Variants in CLNK observed in about 807,000 individuals in gnomAD.
CLNK encodes cytokine dependent hematopoietic cell linker.
Under a neutral mutation model 68.6 loss-of-function variants are expected in CLNK, and 74 were observed. The ratio of observed to expected loss-of-function variants is 1.08; its 90% CI spans 0.89 to 1.31. The LOEUF (loss-of-function observed/expected upper bound fraction) is 1.31, where lower values mean the gene tolerates loss of function less well. Among genes scored for constraint, CLNK ranks in the 50% most tolerant of loss-of-function variants. CLNK has a pLI of 0.00. For missense variants in CLNK, 553 were observed against 515.3 expected, an observed-to-expected ratio of 1.07 and a Z score of -0.71; for synonymous variants, 198 against 172.2, an observed-to-expected ratio of 1.15 and a Z score of -1.17.
At chr4:10,723,577 A>G in the CLNK span, among the ~76,000 whole-genome samples, 1 of 152,112 alleles carries the variant, frequency 6.6e-6, no homozygotes, top group Non-Finnish European at 1.5e-5. Context: ...GCCTTGAGGA[A>G]ATGCTGGCTC....
chr4:10,679,761 A>T (rs1236633345), intron 1 of CLNK, among the ~76,000 whole-genome samples: 4 of 152,230 alleles, frequency 2.6e-5, no homozygotes, highest in Non-Finnish European at 5.9e-5. Flanking sequence ...AAAACACATG[A>T]AAATATGCTC....
At chr4:10,627,817 C>A (rs1420131267) in intron 2 of CLNK, among the ~76,000 whole-genome samples, 3 of 152,170 alleles carry the variant, frequency 2.0e-5, no homozygotes, top group African/African-American at 4.8e-5. Flanking sequence ...ACTGCCTGAG[C>A]CCCTCACCTC....
chr4:10,540,432 G>A, intron 11 of CLNK, 62 bp downstream of exon 11: 1 of 1,277,754 alleles, frequency 7.8e-7, no homozygotes, highest in African/African-American at 1.5e-5. Context: ...GGTTTCCCTT[G>A]TCCCCCTCCC....
In CLNK at chr4:10,584,927, C is replaced by A. The variant is rs1720915358; in HGVS notation, c.112G>T (p.Gly38Cys). 6.2e-7 allele frequency: 1 copy of A among 1,613,782 alleles called. No individual in the cohort carries two copies. Among genetic ancestry groups the A allele is most frequent in the South Asian group, 1.1e-5 (1 of 91,000 alleles). The change falls in exon 4 of 19, where the codon GGC (glycine) becomes TGC (cysteine). Residue 38 changes from glycine (G) to cysteine (C), a missense_variant and splice_region_variant. Transcript: ENST00000226951. The stretch of plus-strand genomic sequence containing the variant: ...TAGGTGACAGAGAGCCCCGACTCAC[C>A]TGTGGCACTATTGATGCGAGGCCAT... ...RSWPRINSAT[G>C]QYQRMNKPLL...
rs536039528 is a variant in CLNK at position 10,516,064 on chromosome 4, AT to A, written c.773-2468del. ...GTCTTTCCAGTCAATAATAATAAAAATTTTTTTTTTTGAAATTTAGAACACA... is the reference window on the plus strand; with the variant it reads ...GTCTTTCCAGTCAATAATAATAAAAATTTTTTTTTTGAAATTTAGAACACA... On this transcript the variant is annotated intron_variant, in intron 15 of 18. Coordinates refer to ENST00000226951, the MANE Select transcript of CLNK (RefSeq NM_052964.4). 2.3e-3 allele frequency among the ~76,000 whole-genome samples: 347 copies of A among 149,868 alleles called. 7 individuals are homozygous for A. The South Asian group carries it at 0.026, about 11-fold the overall frequency.
chr4:10,494,459 ATTTTTTT>A (rs11379290), intron 18 of CLNK, among the ~76,000 whole-genome samples: 1 of 140,122 alleles, frequency 7.1e-6, no homozygotes. Context: ...AGTATTTCCT[ATTTTTTT>A]TTTTTTTTTG....
chr4:10,601,869 G>A (rs61794845), intron 2 of CLNK, among the ~76,000 whole-genome samples: 6,251 of 152,258 alleles, frequency 0.041, 186 homozygotes, highest in Middle Eastern at 0.099. Flanking sequence ...GTGTCCTCCA[G>A]GGAAACAACA....
upstream of CLNK, among the ~76,000 whole-genome samples, chr4:10,686,865 T>C (rs567805162): frequency 6.6e-6 from 1 of 152,256 alleles, no homozygotes; most frequent in South Asian, 2.1e-4. Flanking sequence ...CAATTTGGTT[T>C]AATGAGAAAG....
At chr4:10,647,254 A>C (rs1039367554) in intron 2 of CLNK, among the ~76,000 whole-genome samples, 1 of 152,174 alleles carries the variant, frequency 6.6e-6, no homozygotes, top group African/African-American at 2.4e-5. Context: ...CTCTGTGACT[A>C]TCTGGTGAAA....
At chr4:10,512,397 AT>A (rs1212346537) in intron 16 of CLNK, among the ~76,000 whole-genome samples, 2 of 151,818 alleles carry the variant, frequency 1.3e-5, no homozygotes, top group Non-Finnish European at 2.9e-5. Flanking sequence ...CGCCTGGCTA[AT>A]TTTTTTATTT....
chr4:10,689,725 C>T (rs1725393880), upstream of CLNK, among the ~76,000 whole-genome samples: 1 of 129,320 alleles, frequency 7.7e-6, no homozygotes, highest in South Asian at 2.5e-4. Flanking sequence ...CTATCTCCTG[C>T]AATGGATCAA....
the CLNK span, among the ~76,000 whole-genome samples, chr4:10,706,184 G>A: frequency 6.6e-6 from 1 of 152,320 alleles, no homozygotes; most frequent in African/African-American, 2.4e-5. Flanking sequence ...AATTCCACCT[G>A]TCTCAGCAGC....
intron 4 of CLNK, among the ~76,000 whole-genome samples, chr4:10,579,547 G>A (rs534356458): frequency 3.3e-5 from 5 of 152,212 alleles, no homozygotes; most frequent in Non-Finnish European, 7.3e-5. Context: ...TGTTATAGGA[G>A]TTATTAATAA....
chr4:10,689,019 C>T (rs1725364903), upstream of CLNK, among the ~76,000 whole-genome samples: 1 of 151,876 alleles, frequency 6.6e-6, no homozygotes, highest in Admixed American at 6.6e-5. Context: ...AATTCACTTC[C>T]TCTTTCTAAA....
intron 4 of CLNK, among the ~76,000 whole-genome samples, chr4:10,576,533 G>T (rs562149880): frequency 2.0e-5 from 3 of 152,328 alleles, no homozygotes; most frequent in African/African-American, 7.2e-5. Context: ...AAGCCCAGGA[G>T]AGCCTCCTGA....
At chr4:10,513,855 T>TTA (rs1717714941) in intron 15 of CLNK, among the ~76,000 whole-genome samples, 1 of 148,572 alleles carries the variant, frequency 6.7e-6, no homozygotes, top group South Asian at 2.1e-4. Context: ...ATTATTATTA[T>TTA]TTTATTTTTT....
chr4:10,654,384 A>AATATATATACAT (rs1723875266), intron 2 of CLNK, among the ~76,000 whole-genome samples: 1 of 84,136 alleles, frequency 1.2e-5, no homozygotes, highest in Non-Finnish European at 3.1e-5. Flanking sequence ...ATATTGATTA[A>AATATATATACAT]ATATATATAT....
chr4:10,689,206 G>A (rs1725376948), upstream of CLNK, among the ~76,000 whole-genome samples: 1 of 151,568 alleles, frequency 6.6e-6, no homozygotes. Context: ...GCTATCATAG[G>A]TCACTGCAGC....
At chr4:10,529,486 TG>T (rs764480722) in intron 12 of CLNK, among the ~76,000 whole-genome samples, 93 of 152,336 alleles carry the variant, frequency 6.1e-4, no homozygotes, top group Non-Finnish European at 9.3e-4. Context: ...AGAGAGGCAT[TG>T]TATGCCTCCC....
Sources: gnomAD v4.1 joint callset for allele counts (sites outside exome capture counted in the v4.1 genomes callset) on GRCh38, gnomAD v4.1.1 for gene constraint, MANE v1.5 for transcripts, NCBI Gene and HGNC (gene_info 2026-07-23, HGNC 2026-07-21) for gene names.